The following DENND5A variants were observed in gnomAD, a reference collection of about 807,000 sequenced individuals.
DENND5A encodes DENN domain-containing protein 5A.
Under a neutral mutation model 140.3 loss-of-function variants are expected in DENND5A, and 64 were observed. The ratio of observed to expected loss-of-function variants is 0.46; its 90% CI spans 0.37 to 0.56. The LOEUF is 0.56. Among genes scored for constraint, DENND5A ranks in the 20% least tolerant of loss-of-function variants. The pLI, the probability that DENND5A is intolerant of heterozygous loss-of-function variation, is 0.00. For synonymous variants in DENND5A, 605 were observed against 607.7 expected (o/e 1.00, Z 0.07); for missense variants, 1,292 against 1,593.8 (o/e 0.81, Z 3.22).
intron 11 of DENND5A, among the ~76,000 whole-genome samples, chr11:9,165,361 A>G (rs1848153373): frequency 6.6e-6 from 1 of 152,176 alleles, no homozygotes; most frequent in Non-Finnish European, 1.5e-5. Flanking sequence ...CATGCTCTCA[A>G]TTAATGGTAT....
In DENND5A at chr11:9,196,359, A is replaced by T. The variant is rs185734742; in HGVS notation, c.950-2678T>A. ...GGGCAGCTCCTACGTATTTATGAAC[A>T]ATTATAAACTATCCTGGGAGGTTGC... is the stretch of plus-strand genomic sequence containing the variant. On this transcript the variant is annotated intron_variant, in intron 4 of 22. Coordinates refer to ENST00000328194, the MANE Select transcript of DENND5A (RefSeq NM_015213.4). 2.1e-3 allele frequency among the ~76,000 whole-genome samples: 326 copies of T among 152,290 alleles called. 2 individuals carry two copies. The highest frequency in any genetic ancestry group is 0.014 in the South Asian group (70 of 4,830).
chr11:9,256,325 T>C (rs1187058421), intron 1 of DENND5A, among the ~76,000 whole-genome samples: 1 of 152,046 alleles, frequency 6.6e-6, no homozygotes, highest in Non-Finnish European at 1.5e-5. Flanking sequence ...CTAGGCGTGG[T>C]GGTACATGCC....
intron 11 of DENND5A, among the ~76,000 whole-genome samples, chr11:9,161,563 T>C (rs961138259): frequency 6.6e-6 from 1 of 152,164 alleles, no homozygotes; most frequent in Non-Finnish European, 1.5e-5. Flanking sequence ...TAGAAACATA[T>C]CTGAAATAAC....
intron 4 of DENND5A, among the ~76,000 whole-genome samples, chr11:9,199,201 A>G (rs902513027): frequency 6.6e-6 from 1 of 151,716 alleles, no homozygotes; most frequent in Non-Finnish European, 1.5e-5. Flanking sequence ...TGTTCTGCAT[A>G]TAATTTTTAA....
At chr11:9,159,623 T>C (rs1227755406) in intron 12 of DENND5A, among the ~76,000 whole-genome samples, 2 of 152,240 alleles carry the variant, frequency 1.3e-5, no homozygotes, top group Non-Finnish European at 2.9e-5. Context: ...TGGCCTGCTA[T>C]GAACATTTGT....
At chr11:9,152,193 G>A (rs749842131) in intron 13 of DENND5A, among the ~76,000 whole-genome samples, 165 bp downstream of exon 13, 1 of 152,194 alleles carries the variant, frequency 6.6e-6, no homozygotes, top group Non-Finnish European at 1.5e-5. Context: ...CATGGTTTTG[G>A]TATGCTCTGT....
intron 8 of DENND5A, among the ~76,000 whole-genome samples, chr11:9,177,498 T>A (rs913592189): frequency 8.9e-4 from 123 of 138,160 alleles, no homozygotes; most frequent in East Asian, 5.9e-3. Context: ...AAAAAAAAAA[T>A]TTTTTAATTA....
At position 9,181,103 on chromosome 11, in the gene DENND5A, T is replaced by C. The variant is rs755189426; in HGVS notation, c.1138-19A>G. 1.2e-6 allele frequency: 2 copies of C among 1,603,538 alleles called. No homozygotes were observed. Among genetic ancestry groups the C allele is most frequent in the East Asian group, 2.2e-5 (1 of 44,762 alleles). On this transcript the variant is annotated intron_variant, in intron 5 of 22. Coordinates refer to ENST00000328194, the MANE Select transcript of DENND5A (RefSeq NM_015213.4). ...GGTTAGCCTGGAAGTCAAAACAGGA[T>C]GAGGAGTATGAATAACTCCAGAGCA...
At chr11:9,165,990 G>A (rs1848178796) in intron 10 of DENND5A, 23 bp from the exon 11 acceptor site, 2 of 1,613,416 alleles carry the variant, frequency 1.2e-6, no homozygotes, top group African/African-American at 2.7e-5. Context: ...GAAAAATAAA[G>A]ACCCTTTGTG....
intron 5 of DENND5A, among the ~76,000 whole-genome samples, chr11:9,187,470 C>T (rs1335691630): frequency 1.3e-5 from 2 of 152,160 alleles, no homozygotes; most frequent in Admixed American, 6.5e-5. Context: ...ATATCTTCCG[C>T]TCAAGGTCAC....
chr11:9,185,984 A>C (rs1309891742), intron 5 of DENND5A, among the ~76,000 whole-genome samples: 1 of 152,116 alleles, frequency 6.6e-6, no homozygotes, highest in African/African-American at 2.4e-5. Context: ...ATAAAAAAGA[A>C]GACACTGAAG....
Position 9,145,769 on chromosome 11 carries a change from G to A in DENND5A, c.2904C>T (p.Gly968=), listed in dbSNP as rs751350755. Residue 968 remains glycine, a synonymous_variant, in exon 17 of 23, where the codon GGC becomes GGT. Coordinates refer to ENST00000328194, the MANE Select transcript of DENND5A (RefSeq NM_015213.4). ...ILIVPSKKLG[G]SMFTANPWIC... ...TCCATGGGTTGGCAGTGAACATGGA[G>A]CCCCCCAGCTTCTTGCTTGGTACGA... 6.2e-7 allele frequency: 1 copy of A among 1,614,128 alleles called. No homozygotes were observed. The highest frequency in any genetic ancestry group is 8.5e-7 in the Non-Finnish European group (1 of 1,180,006).
chr11:9,179,209 G>A, intron 6 of DENND5A, 136 bp from the exon 7 acceptor site: 4 of 674,330 alleles, frequency 5.9e-6, no homozygotes, highest in South Asian at 2.2e-5. Flanking sequence ...GAACAAAAGA[G>A]GAAAAACTGG....
At chr11:9,221,867 C>T (rs1010777446) in intron 1 of DENND5A, among the ~76,000 whole-genome samples, 6 of 151,972 alleles carry the variant, frequency 3.9e-5, no homozygotes, top group African/African-American at 1.5e-4. Context: ...AAGTAATTCT[C>T]CTGACTCAGC....
intron 1 of DENND5A, among the ~76,000 whole-genome samples, chr11:9,217,124 A>G (rs1363055424): frequency 6.6e-6 from 1 of 152,242 alleles, no homozygotes; most frequent in Admixed American, 6.5e-5. Context: ...TTATTCAGCC[A>G]TAAAAAAGAA....
chr11:9,239,266 A>G (rs1851134725), intron 1 of DENND5A, among the ~76,000 whole-genome samples: 2 of 152,048 alleles, frequency 1.3e-5, no homozygotes, highest in South Asian at 4.2e-4. Context: ...TCACGGGCTC[A>G]AGCAATCTTC....
chr11:9,238,769 G>A (rs933239873), intron 1 of DENND5A, among the ~76,000 whole-genome samples: 3 of 151,142 alleles, frequency 2.0e-5, no homozygotes, highest in Non-Finnish European at 4.4e-5. Context: ...TGCTTATAAA[G>A]CCTAATTCCA....
At chr11:9,160,395 T>C (rs1847939398) in intron 12 of DENND5A, among the ~76,000 whole-genome samples, 1 of 152,330 alleles carries the variant, frequency 6.6e-6, no homozygotes, top group Admixed American at 6.5e-5. Context: ...CTTCCTGAGC[T>C]CCAACTTCTC....
At chr11:9,140,865 G>A (rs971424424) in intron 22 of DENND5A, among the ~76,000 whole-genome samples, 1 of 152,262 alleles carries the variant, frequency 6.6e-6, no homozygotes, top group East Asian at 1.9e-4. Context: ...GGTGGCTCAC[G>A]CCTGTAATTT....
Sources: gnomAD v4.1 joint callset for allele counts (sites outside exome capture counted in the v4.1 genomes callset) on GRCh38, gnomAD v4.1.1 for gene constraint, MANE v1.5 for transcripts, NCBI Gene and HGNC (gene_info 2026-07-23, HGNC 2026-07-21) for gene names.